The following FER1L5 variants were observed in gnomAD, a reference collection of about 807,000 sequenced individuals.
FER1L5 encodes the protein fer-1 like family member 5.
Under a neutral mutation model 279.9 loss-of-function variants are expected in FER1L5, and 187 were observed. The observed-to-expected ratio is 0.67, with a 90% CI of 0.59 to 0.75. The LOEUF (loss-of-function observed/expected upper bound fraction) is 0.75, where lower values mean the gene tolerates loss of function less well. Among genes scored for constraint, FER1L5 ranks in the 30% least tolerant of loss-of-function variants. The pLI, the probability that FER1L5 is intolerant of heterozygous loss-of-function variation, is 0.00. For missense variants in FER1L5, 2,091 were observed against 2,594.4 expected (o/e 0.81, Z 4.21); for synonymous variants, 921 against 989.7 (o/e 0.93, Z 1.30).
chr2:96,650,092 A>T lies in FER1L5; in HGVS notation c.395-88A>T. 6 of 1,020,402 alleles carry T rather than the reference A, an allele frequency of 5.9e-6. 1 individual carries two copies. In the South Asian group the frequency reaches 8.5e-5, roughly 14 times the overall value. 63.2% of individuals were successfully genotyped at this position (1,020,402 alleles called of 1,614,324 possible). A position where few individuals can be genotyped will look rare whatever the true frequency, so the allele number is the denominator to read the frequency against. On this transcript the variant is annotated intron_variant, in intron 5 of 52. Transcript: ENST00000624922. ...CCATGCTTTTAGTCAGGAGATGGTC[A>T]CTGGGGACAGAATGATGGAATGGGG...
chr2:96,704,166 C>T, intron 51 of FER1L5, 49 bp from the exon 52 acceptor site: 4 of 1,603,514 alleles, frequency 2.5e-6, no homozygotes, highest in Non-Finnish European at 3.4e-6. Context: ...ATTACTTGAC[C>T]TGAAGGTTCT....
Position 96,698,768 on chromosome 2 carries a change from C to A in FER1L5, c.4454C>A (p.Pro1485Gln). The A allele has an allele frequency of 6.4e-7, 1 of 1,568,844 alleles. No individual in the cohort carries two copies. Among genetic ancestry groups the A allele is most frequent in the Non-Finnish European group, 8.6e-7 (1 of 1,157,364 alleles). The change falls in exon 41 of 53, where the codon CCG becomes CAG. Residue 1485 changes from proline to glutamine, a missense_variant. Coordinates refer to ENST00000624922, the MANE Select transcript of FER1L5 (RefSeq NM_001293083.2). The surrounding 1 kb of genome is among the most constrained non-coding windows in gnomAD (Gnocchi z 5.5). ...CCAGAGAGAGAGGACTTCCCCCAGC[C>A]GTGCTTGGTGCGGGTGTACATGGTA... Reference protein sequence around the residue: ...VWPEREDFPQPCLVRVYMVRA... With the variant: ...VWPEREDFPQQCLVRVYMVRA...
chr2:96,702,465 C>T lies in FER1L5; in HGVS notation c.5255+64C>T. On this transcript the variant is annotated intron_variant, in intron 47 of 52. Transcript: ENST00000624922. The surrounding 1 kb of genome is among the most constrained non-coding windows in gnomAD (Gnocchi z 4.0). ...TTCCCCAGTTCTGTCATCCTGCTGG[C>T]ACGGCCCAGTCCTGAATGGGACACC... 7 of 1,562,882 alleles carry T rather than the reference C, an allele frequency of 4.5e-6. No individual in the cohort carries two copies. The highest frequency in any genetic ancestry group is 6.1e-6 in the Non-Finnish European group (7 of 1,154,226).
chr2:96,649,731 C>A, intron 5 of FER1L5, 54 bp downstream of exon 5: 1 of 1,525,370 alleles, frequency 6.6e-7, no homozygotes, highest in Non-Finnish European at 8.9e-7. Context: ...TTTCTGCATG[C>A]ACAGCTGGAT....
intron 13 of FER1L5, among the ~76,000 whole-genome samples, chr2:96,662,690 A>G (rs902338706): frequency 1.3e-5 from 2 of 152,196 alleles, no homozygotes; most frequent in Admixed American, 6.5e-5. Flanking sequence ...GGACAATGCT[A>G]GGTTACAGTT....
At chr2:96,650,422 A>G (rs2075312926) in intron 6 of FER1L5, 133 bp downstream of exon 6, 11 of 721,222 alleles carry the variant, frequency 1.5e-5, no homozygotes, top group Middle Eastern at 2.4e-4. Flanking sequence ...TGGCCCTCAG[A>G]TCCTTGCCAC....
At position 96,651,883 on chromosome 2, in the gene FER1L5, C is replaced by T. The variant is rs985883184; in HGVS notation, c.505-9C>T. 61 of 1,552,062 alleles carry T rather than the reference C, an allele frequency of 3.9e-5. No homozygotes were observed. The highest frequency in any genetic ancestry group is 4.4e-5 in the Non-Finnish European group (51 of 1,147,066). On this transcript the variant is annotated splice_polypyrimidine_tract_variant and intron_variant, in intron 6 of 52. Coordinates refer to ENST00000624922, the MANE Select transcript of FER1L5 (RefSeq NM_001293083.2). ...CTCAATATCAGCTCCCCATGTGTTC[C>T]GCCCTTAGGTTCGAGTGAAGGTGTT...
chr2:96,649,036 G>T (rs570741942), intron 4 of FER1L5, among the ~76,000 whole-genome samples: 1 of 151,934 alleles, frequency 6.6e-6, no homozygotes, highest in South Asian at 2.1e-4. Flanking sequence ...TTTGTCACAC[G>T]GTGGGGGGGT....
At chr2:96,688,791 C>T (rs2077031013) in intron 24 of FER1L5, among the ~76,000 whole-genome samples, 1 of 152,022 alleles carries the variant, frequency 6.6e-6, no homozygotes, top group Non-Finnish European at 1.5e-5. Flanking sequence ...GATGCCAGCT[C>T]CCTGCTCCCT....
intron 7 of FER1L5, 41 bp from the exon 8 acceptor site, chr2:96,653,599 G>A (rs564999018): frequency 2.5e-5 from 37 of 1,459,056 alleles, no homozygotes; most frequent in Middle Eastern, 1.7e-4. Flanking sequence ...GTGAAGTGGC[G>A]GAAGAAATCA....
chr2:96,668,001 T>C (rs922018224), intron 14 of FER1L5, among the ~76,000 whole-genome samples: 12 of 151,964 alleles, frequency 7.9e-5, no homozygotes, highest in African/African-American at 2.7e-4. Context: ...GCTGGGACTA[T>C]AGGTGAGTGC....
chr2:96,676,454 G>A (rs1366741922), intron 19 of FER1L5, among the ~76,000 whole-genome samples: 2 of 152,100 alleles, frequency 1.3e-5, no homozygotes, highest in East Asian at 1.9e-4. Context: ...AGCGTGAGCC[G>A]CTGGGCCCGG....
chr2:96,691,222 G>C lies in FER1L5; in HGVS notation c.2776G>C (p.Gly926Arg). The C allele has an allele frequency of 6.5e-7, 1 of 1,550,184 alleles. No individual in the cohort carries two copies. The highest frequency in any genetic ancestry group is 1.2e-5 in the South Asian group (1 of 84,006). ...GTATGGAGTGGGGATCCCACCGTCG[G>C]GCCTGCCCCAGGTCTGGAGCCCGGT... is the stretch of plus-strand genomic sequence containing the variant. The part of the protein sequence containing the change: ...WEYGVGIPPS[G>R]LPQVWSPVEK... Residue 926 changes from glycine to arginine, a missense_variant, in exon 28 of 53, where the codon GGC becomes CGC. Transcript: ENST00000624922. This position sits in a 1 kb window ranked among gnomAD's most constrained non-coding sequence, Gnocchi z 6.0.
rs1338636579 is a variant in FER1L5, at chr2:96,650,047, T to C, written c.395-133T>C. 1.1e-5 allele frequency: 8 copies of C among 698,628 alleles called. No homozygotes were observed. The East Asian group carries it at 2.2e-4, about 19-fold the overall frequency. The allele number at this position is 698,628 out of a possible 1,614,324, so 43.3% of individuals were successfully genotyped here. A position where few individuals can be genotyped will look rare whatever the true frequency, so the allele number is the denominator to read the frequency against. ...GGTAATGTTCTGGGGAGGACATATGTCACTGTTGGGGCCTCTTGGCCATGC... is the reference window on the plus strand; with the variant it reads ...GGTAATGTTCTGGGGAGGACATATGCCACTGTTGGGGCCTCTTGGCCATGC... On this transcript the variant is annotated intron_variant, in intron 5 of 52. Coordinates refer to ENST00000624922, the MANE Select transcript of FER1L5 (RefSeq NM_001293083.2).
At chr2:96,703,501 C>T (rs1282531906) in intron 50 of FER1L5, 22 bp from the exon 51 acceptor site, 1 of 1,612,698 alleles carries the variant, frequency 6.2e-7, no homozygotes, top group African/African-American at 1.3e-5. Context: ...CTCAGCCTCC[C>T]CCTCACCCAT....
In FER1L5 at chr2:96,650,189, A is replaced by G. The variant is rs1484838513; in HGVS notation, c.404A>G (p.Asp135Gly). The change falls in exon 6 of 53, where the codon GAC becomes GGC. Residue 135 changes from aspartate to glycine, a missense_variant. Transcript: ENST00000624922. ...CACTGTGTCTCCCCAGGAGCTGAAG[A>G]CCACCTGGGCATAACGGCAAGAGAG... Reference protein sequence around the residue: ...NQDIEKTGAEDHLGITAREAA... With the variant: ...NQDIEKTGAEGHLGITAREAA... The G allele has an allele frequency of 2.6e-6, 4 of 1,551,548 alleles. No individual in the cohort carries two copies. Among genetic ancestry groups the G allele is most frequent in the African/African-American group, 1.4e-5 (1 of 73,026 alleles).
intron 9 of FER1L5, among the ~76,000 whole-genome samples, chr2:96,659,358 C>CTTCCTTCCTTCCTTCCTTCT (rs2075779229): frequency 8.3e-5 from 5 of 60,606 alleles, no homozygotes; most frequent in Admixed American, 2.9e-4. Context: ...TCCTTCCTTC[C>CTTCCTTCCTTCCTTCCTTCT]TTCCTTCTTT....
At chr2:96,644,399 G>A (rs1011364157) in intron 1 of FER1L5, among the ~76,000 whole-genome samples, 8 of 151,764 alleles carry the variant, frequency 5.3e-5, no homozygotes, top group Admixed American at 1.3e-4. Context: ...GGAGAATGGC[G>A]TGAACCCGGG....
chr2:96,693,746 G>A lies in FER1L5; in HGVS notation c.3474+59G>A, dbSNP rs1573947916. The stretch of plus-strand genomic sequence containing the variant: ...ACCTACCTCACAGAGTGGCTGAGGG[G>A]ATTTATTTTAGATGAAAATGTATGG... On this transcript the variant is annotated intron_variant, in intron 32 of 52. Coordinates refer to ENST00000624922, the MANE Select transcript of FER1L5 (RefSeq NM_001293083.2). 3 of 1,511,566 alleles carry A rather than the reference G, an allele frequency of 2.0e-6. No individual in the cohort carries two copies. In the East Asian group the frequency reaches 7.4e-5, roughly 37 times the overall value. 93.6% of individuals were successfully genotyped at this position (1,511,566 alleles called of 1,614,324 possible). A position where few individuals can be genotyped will look rare whatever the true frequency, so the allele number is the denominator to read the frequency against.
Sources: allele counts gnomAD v4.1 joint callset (sites outside exome capture counted in the v4.1 genomes callset), GRCh38; gene constraint gnomAD v4.1.1; non-coding constraint Gnocchi (gnomAD v3.1); transcripts MANE v1.5; gene names NCBI Gene and HGNC (gene_info 2026-07-23, HGNC 2026-07-21).